The following SNCAIP variants were observed in gnomAD, a reference collection of about 807,000 sequenced individuals.
The protein encoded by SNCAIP is synuclein alpha interacting protein.
SNCAIP carries 43 observed loss-of-function variants against 86.7 expected under a neutral mutation model. That is an observed-to-expected ratio of 0.50 (90% CI 0.39 to 0.64). The LOEUF is 0.64. SNCAIP is among the 30% of genes least tolerant of loss of function. SNCAIP has a pLI of 0.00. For missense variants in SNCAIP, 981 were observed against 1,103.1 expected (o/e 0.89, Z 1.57); for synonymous variants, 417 against 427.2 (o/e 0.98, Z 0.29).
intron 1 of SNCAIP, among the ~76,000 whole-genome samples, chr5:122,343,880 A>G (rs190892964): frequency 1.3e-5 from 2 of 152,364 alleles, no homozygotes; most frequent in East Asian, 1.9e-4. Context: ...AAGATGAGAA[A>G]CCAGTTAGAC....
intron 6 of SNCAIP, among the ~76,000 whole-genome samples, chr5:122,439,635 A>C (rs1561774385): frequency 6.6e-6 from 1 of 152,190 alleles, no homozygotes; most frequent in East Asian, 1.9e-4. Context: ...AAAGTTCATG[A>C]GCAGTCGGAG....
chr5:122,452,110 G>A (rs544261741), intron 10 of SNCAIP, among the ~76,000 whole-genome samples: 1 of 152,228 alleles, frequency 6.6e-6, no homozygotes, highest in Non-Finnish European at 1.5e-5. Context: ...TACACCACAG[G>A]GACCTCCACA....
chr5:122,346,925 G>C (rs140341821), intron 1 of SNCAIP, among the ~76,000 whole-genome samples: 1 of 151,892 alleles, frequency 6.6e-6, no homozygotes, highest in Non-Finnish European at 1.5e-5. Context: ...TTCTAAGAGA[G>C]ATTAATGATA....
chr5:122,444,541 CAT>C lies in SNCAIP; in HGVS notation c.1423-21_1423-20del. 1 of 1,608,408 alleles carries C rather than the reference CAT, an allele frequency of 6.2e-7. No homozygotes were observed. The highest frequency in any genetic ancestry group is 8.5e-7 in the Non-Finnish European group (1 of 1,174,714). On this transcript the variant is annotated intron_variant, in intron 7 of 10. Coordinates refer to ENST00000261368, the MANE Select transcript of SNCAIP (RefSeq NM_005460.4). ...ATGTGTACAGAGATGTCCTGATACA[CAT>C]GTCCTTCATTTTCTGACAGACCTTG...
In SNCAIP at chr5:122,451,357, A is replaced by T; in HGVS notation, c.2510A>T (p.Asp837Val). ...QPSLELNGEK[D>V]KDKGRTLQRT... ...AGCCTTGAACTGAATGGAGAAAAAG[A>T]CAAAGATAAGGGCAGGACTCTCCAG... Residue 837 changes from aspartate to valine, a missense_variant, in exon 10 of 11, where the codon GAC becomes GTC. Transcript: ENST00000261368. The T allele has an allele frequency of 1.2e-6, 2 of 1,614,168 alleles. No homozygotes were observed. Among genetic ancestry groups the T allele is most frequent in the Admixed American group, 1.7e-5 (1 of 60,022 alleles).
In SNCAIP at chr5:122,443,700, A is replaced by G. The variant is rs3811878; in HGVS notation, c.1423-863A>G. 1.8e-4 allele frequency: 83 copies of G among 455,426 alleles called. No individual in the cohort carries two copies. In the East Asian group the frequency reaches 3.5e-3, roughly 19 times the overall value. The allele number at this position is 455,426 out of a possible 1,614,324, so 28.2% of individuals were successfully genotyped here. On this transcript the variant is annotated intron_variant, in intron 7 of 10. Transcript: ENST00000261368. ...ACAAGAAGGAGGTATGAAGAGAAAA[A>G]GTCCGGTATCTCTTTGCTTAACTGG...
intron 10 of SNCAIP, among the ~76,000 whole-genome samples, chr5:122,458,104 T>A (rs1051963718): frequency 2.0e-5 from 3 of 152,156 alleles, no homozygotes; most frequent in Non-Finnish European, 2.9e-5. Flanking sequence ...GTTTAGTTAG[T>A]GTCAAAGTAT....
chr5:122,347,882 C>T (rs144847420), intron 1 of SNCAIP, among the ~76,000 whole-genome samples: 67 of 152,106 alleles, frequency 4.4e-4, no homozygotes, highest in African/African-American at 1.0e-3. Flanking sequence ...CCCCTGATAA[C>T]GATTTTCTTT....
intron 1 of SNCAIP, among the ~76,000 whole-genome samples, chr5:122,329,775 A>T (rs1302825672): frequency 6.6e-6 from 1 of 152,206 alleles, no homozygotes; most frequent in Non-Finnish European, 1.5e-5. Flanking sequence ...ACAAATTATT[A>T]AGTTAGATTC....
At chr5:122,401,577 T>G (rs1042457851) in intron 2 of SNCAIP, among the ~76,000 whole-genome samples, 2 of 152,238 alleles carry the variant, frequency 1.3e-5, no homozygotes, top group African/African-American at 2.4e-5. Flanking sequence ...TTTTTTAGAT[T>G]GCTATACTTT....
intron 3 of SNCAIP, among the ~76,000 whole-genome samples, chr5:122,422,224 A>G (rs1196625327): frequency 6.6e-6 from 1 of 152,148 alleles, no homozygotes; most frequent in Non-Finnish European, 1.5e-5. Flanking sequence ...TACTTTGACC[A>G]AGGTGGGGTT....
chr5:122,421,739 T>A (rs1776398961), intron 3 of SNCAIP, among the ~76,000 whole-genome samples: 1 of 152,124 alleles, frequency 6.6e-6, no homozygotes, highest in Non-Finnish European at 1.5e-5. Context: ...ATCAGTGGCC[T>A]GCAAGTTTCC....
chr5:122,330,963 A>G (rs1755216694), intron 1 of SNCAIP, among the ~76,000 whole-genome samples: 1 of 151,910 alleles, frequency 6.6e-6, no homozygotes, highest in African/African-American at 2.4e-5. Flanking sequence ...ATCATCAGAC[A>G]TTAGATTCTC....
chr5:122,403,421 C>A (rs530933179), intron 2 of SNCAIP, among the ~76,000 whole-genome samples: 1 of 152,230 alleles, frequency 6.6e-6, no homozygotes, highest in South Asian at 2.1e-4. Flanking sequence ...CACAAGCTCA[C>A]CCTTAGGATT....
chr5:122,342,951 T>A (rs1042035337), intron 1 of SNCAIP, among the ~76,000 whole-genome samples: 1 of 152,244 alleles, frequency 6.6e-6, no homozygotes, highest in South Asian at 2.1e-4. Flanking sequence ...ATCTTCATAT[T>A]TGCCTTACAT....
At position 122,431,947 on chromosome 5, in the gene SNCAIP, C is replaced by G. The variant is rs781015184; in HGVS notation, c.1183-22C>G. The stretch of plus-strand genomic sequence containing the variant: ...CCTGAGTTACCTTGAATTTCCATCT[C>G]CCTTTCTTTTTTAAAACCTAGAATG... On this transcript the variant is annotated intron_variant, in intron 5 of 10. Transcript: ENST00000261368. 6.0e-6 allele frequency: 7 copies of G among 1,158,606 alleles called. No homozygotes were observed. The South Asian group carries it at 8.6e-5, about 14-fold the overall frequency. The allele number at this position is 1,158,606 out of a possible 1,614,324, so 71.8% of individuals were successfully genotyped here.
chr5:122,401,283 A>C (rs1295777638), intron 2 of SNCAIP, among the ~76,000 whole-genome samples: 1 of 152,204 alleles, frequency 6.6e-6, no homozygotes, highest in East Asian at 1.9e-4. Context: ...CAAATTTGCA[A>C]ATATGAAAAC....
In SNCAIP at chr5:122,404,003, C is replaced by A. The variant is rs1772429150; in HGVS notation, c.130+138C>A. ...CGGCTTCTCCACTCACACCACCCCC[C>A]ACCTCATGCCCTGCCTTCAACAAAC... is the stretch of plus-strand genomic sequence containing the variant. On this transcript the variant is annotated intron_variant, in intron 3 of 10. Transcript: ENST00000261368. The A allele has an allele frequency of 7.1e-6, 5 of 705,010 alleles. 1 individual carries two copies. The highest frequency in any genetic ancestry group is 4.1e-5 in the Admixed American group (2 of 49,376). 43.7% of individuals were successfully genotyped at this position (705,010 alleles called of 1,614,324 possible).
intron 2 of SNCAIP, among the ~76,000 whole-genome samples, chr5:122,400,548 C>T (rs1019697898): frequency 6.6e-6 from 1 of 152,200 alleles, no homozygotes; most frequent in Non-Finnish European, 1.5e-5. Flanking sequence ...AGATAAGAAA[C>T]ACCACAGCAC....
Sources: gnomAD v4.1 joint callset for allele counts (sites outside exome capture counted in the v4.1 genomes callset) on GRCh38, gnomAD v4.1.1 for gene constraint, MANE v1.5 for transcripts, NCBI Gene and HGNC (gene_info 2026-07-23, HGNC 2026-07-21) for gene names.